The following HEATR5A variants were observed in gnomAD, a reference collection of about 807,000 sequenced individuals.
The protein encoded by HEATR5A is HEAT repeat-containing protein 5A.
Under a neutral mutation model 218.8 loss-of-function variants are expected in HEATR5A, and 178 were observed. The ratio of observed to expected loss-of-function variants is 0.81; its 90% CI spans 0.72 to 0.92. HEATR5A has a LOEUF of 0.92. HEATR5A is among the 40% of genes least tolerant of loss of function. HEATR5A has a pLI of 0.00. For synonymous variants in HEATR5A, 864 were observed against 871.6 expected (o/e 0.99, Z 0.15); for missense variants, 2,420 against 2,418.9 (o/e 1.00, Z -0.01).
chr14:31,391,224 G>T (rs2030441069), intron 6 of HEATR5A, among the ~76,000 whole-genome samples: 1 of 152,114 alleles, frequency 6.6e-6, no homozygotes, highest in South Asian at 2.1e-4. Flanking sequence ...TGCCTCCCAT[G>T]TTAAAGGGTT....
In HEATR5A at chr14:31,335,352, A is replaced by AT. The variant is rs890845483; in HGVS notation, c.3367+2123dup. On this transcript the variant is annotated intron_variant, in intron 22 of 35. Transcript: ENST00000543095. ...AATTCAAGTTGAAGCAAAAGTTTTT[A>AT]TTTTTTTTTTTTGTTAGAGACAAGG... Among the ~76,000 whole-genome samples the AT allele has an allele frequency of 7.5e-3, 1,088 of 145,998 alleles. 8 individuals are homozygous for AT. The highest frequency in any genetic ancestry group is 0.018 in the African/African-American group (731 of 40,078).
intron 1 of HEATR5A, among the ~76,000 whole-genome samples, chr14:31,418,791 C>G (rs1332918213): frequency 6.6e-6 from 1 of 152,076 alleles, no homozygotes; most frequent in East Asian, 1.9e-4. Flanking sequence ...ACGCTTAATT[C>G]AGAATAATTT....
intron 23 of HEATR5A, 116 bp downstream of exon 23, chr14:31,326,047 A>G (rs753265813): frequency 1.4e-6 from 1 of 725,940 alleles, no homozygotes; most frequent in Non-Finnish European, 2.3e-6. Context: ...AGCAACAATC[A>G]GACAGTCAGA....
chr14:31,419,684 GA>G (rs2031576118), intron 1 of HEATR5A, among the ~76,000 whole-genome samples: 1 of 152,184 alleles, frequency 6.6e-6, no homozygotes, highest in African/African-American at 2.4e-5. Flanking sequence ...TATCTGACTT[GA>G]CAGTCAAGAA....
intron 11 of HEATR5A, among the ~76,000 whole-genome samples, chr14:31,379,318 T>C (rs1160080828): frequency 6.6e-6 from 1 of 151,782 alleles, no homozygotes; most frequent in African/African-American, 2.4e-5. Context: ...TGGTGCAATC[T>C]CACTTCACTG....
chr14:31,345,407 A>C (rs947025800), intron 19 of HEATR5A, 131 bp from the exon 20 acceptor site: 1 of 675,550 alleles, frequency 1.5e-6, no homozygotes, highest in African/African-American at 1.8e-5. Flanking sequence ...TCATGTGGAA[A>C]GAGAAATGGA....
chr14:31,369,429 A>G (rs1901934788), intron 13 of HEATR5A, among the ~76,000 whole-genome samples: 1 of 152,018 alleles, frequency 6.6e-6, no homozygotes, highest in Non-Finnish European at 1.5e-5. Context: ...CCTGGCCAAC[A>G]TGGCAAAATC....
intron 16 of HEATR5A, among the ~76,000 whole-genome samples, chr14:31,352,045 C>A (rs1901253339): frequency 6.6e-6 from 1 of 152,102 alleles, no homozygotes. Flanking sequence ...TAAATACACA[C>A]AATATTTCAT....
At chr14:31,325,553 G>C (rs777024181) in intron 23 of HEATR5A, among the ~76,000 whole-genome samples, 3 of 152,030 alleles carry the variant, frequency 2.0e-5, no homozygotes. Flanking sequence ...CTGTTGCCCA[G>C]GCTGGAGTGC....
At chr14:31,413,054 C>T (rs1027463708) in intron 1 of HEATR5A, among the ~76,000 whole-genome samples, 1 of 152,056 alleles carries the variant, frequency 6.6e-6, no homozygotes, top group African/African-American at 2.4e-5. Flanking sequence ...TAACTTATGA[C>T]GAACCCCAGG....
chr14:31,368,342 T>C (rs1363468855), intron 13 of HEATR5A, among the ~76,000 whole-genome samples: 2 of 152,138 alleles, frequency 1.3e-5, no homozygotes, highest in Non-Finnish European at 2.9e-5. Flanking sequence ...CTGTTAGAAA[T>C]AAGTGCCCGT....
chr14:31,401,522 C>A (rs544384483), intron 2 of HEATR5A, among the ~76,000 whole-genome samples: 2 of 152,106 alleles, frequency 1.3e-5, no homozygotes, highest in African/African-American at 4.8e-5. Flanking sequence ...AGTGTGAGAA[C>A]GGACTAATAC....
intron 1 of HEATR5A, among the ~76,000 whole-genome samples, chr14:31,410,146 G>A (rs558445254): frequency 2.0e-5 from 3 of 152,152 alleles, no homozygotes; most frequent in African/African-American, 7.2e-5. Flanking sequence ...ATTCCAGAAT[G>A]TATCAAGTAC....
intron 22 of HEATR5A, among the ~76,000 whole-genome samples, chr14:31,329,661 C>T (rs565773883): frequency 2.8e-4 from 43 of 152,148 alleles, no homozygotes; most frequent in Non-Finnish European, 4.9e-4. Flanking sequence ...CTTTTTCAGG[C>T]GCACAGTGTA....
In HEATR5A at chr14:31,341,779, T is replaced by C. The variant is rs1198855826; in HGVS notation, c.3228+2117A>G. ...TAAACTTTAATTAATAAAAAAATCA[T>C]GTATCAGGTAAAGGAGAAATTTTAT... On this transcript the variant is annotated intron_variant, in intron 21 of 35. Coordinates refer to ENST00000543095, the MANE Select transcript of HEATR5A (RefSeq NM_015473.4). Among the ~76,000 whole-genome samples, 3 of 152,154 alleles carry C rather than the reference T, an allele frequency of 2.0e-5. No individual in the cohort carries two copies. In the East Asian group the frequency reaches 5.8e-4, roughly 29 times the overall value.
intron 21 of HEATR5A, among the ~76,000 whole-genome samples, chr14:31,342,196 G>C (rs1383736355): frequency 6.6e-6 from 1 of 152,056 alleles, no homozygotes; most frequent in East Asian, 1.9e-4. Flanking sequence ...AGACCAGCCT[G>C]GGTAACATAG....
chr14:31,331,487 C>T (rs567652973), intron 22 of HEATR5A, among the ~76,000 whole-genome samples: 36 of 152,306 alleles, frequency 2.4e-4, no homozygotes, highest in African/African-American at 8.2e-4. Context: ...AAGTTCCAGA[C>T]TTTGCCACAT....
chr14:31,395,941 G>A (rs930244417), intron 4 of HEATR5A, among the ~76,000 whole-genome samples: 1 of 152,186 alleles, frequency 6.6e-6, no homozygotes, highest in African/African-American at 2.4e-5. Flanking sequence ...ACTTCTCTGT[G>A]ACCCGCAGTA....
intron 26 of HEATR5A, among the ~76,000 whole-genome samples, chr14:31,317,294 ATTTTTTTTT>A (rs35394095): frequency 1.6e-5 from 1 of 64,182 alleles, no homozygotes; most frequent in African/African-American, 6.4e-5. Context: ...CCCGGGCTAG[ATTTTTTTTT>A]TTTTTTTTTT....
Sources: gnomAD v4.1 joint callset for allele counts (sites outside exome capture counted in the v4.1 genomes callset) on GRCh38, gnomAD v4.1.1 for gene constraint, MANE v1.5 for transcripts, NCBI Gene and HGNC (gene_info 2026-07-23, HGNC 2026-07-21) for gene names.